The following FBXO11 variants were observed in gnomAD, a reference collection of about 807,000 sequenced individuals.
FBXO11 encodes F-box protein 11.
In FBXO11, 13 loss-of-function variants were observed where a neutral mutation model predicts 117.0. That is an observed-to-expected ratio of 0.11 (90% CI 0.07 to 0.18). The LOEUF (loss-of-function observed/expected upper bound fraction) is 0.18. Ranked by LOEUF, FBXO11 falls within the 10% of genes least tolerant of loss-of-function variation. The pLI is 1.00. For missense variants in FBXO11, 767 were observed against 1,164.4 expected (o/e 0.66, Z 4.97); for synonymous variants, 490 against 380.5 (o/e 1.29, Z -3.35).
intron 1 of FBXO11, among the ~76,000 whole-genome samples, chr2:47,850,691 T>G (rs1673794072): frequency 6.6e-6 from 1 of 152,200 alleles, no homozygotes. Context: ...TTCATAACTT[T>G]AGTTTGATTA....
chr2:47,823,492 C>G, intron 11 of FBXO11, 132 bp from the exon 12 acceptor site: 1 of 721,326 alleles, frequency 1.4e-6, no homozygotes, highest in Non-Finnish European at 2.2e-6. Flanking sequence ...TGGTGACTCA[C>G]GCCTGTTAAT....
chr2:47,836,107 AAAGT>A lies in FBXO11; in HGVS notation c.588-110_588-107del, dbSNP rs1477747181. 8.3e-6 allele frequency: 6 copies of A among 719,904 alleles called. No homozygotes were observed. In the East Asian group the frequency reaches 1.8e-4, roughly 22 times the overall value. 44.6% of individuals were successfully genotyped at this position (719,904 alleles called of 1,614,324 possible). A position where few individuals can be genotyped will look rare whatever the true frequency, so the allele number is the denominator to read the frequency against. On this transcript the variant is annotated intron_variant, in intron 4 of 22. Transcript: ENST00000403359. ...TTGAGGCCTCAAAAACTTGAGTAAGAAAGTAAGAATAGACAAAAATGAATATTAA... is the reference window on the plus strand; with the variant it reads ...TTGAGGCCTCAAAAACTTGAGTAAGAAAGAATAGACAAAAATGAATATTAA...
chr2:47,837,440 T>C (rs554633060), intron 4 of FBXO11, among the ~76,000 whole-genome samples: 4 of 152,100 alleles, frequency 2.6e-5, no homozygotes, highest in Admixed American at 6.5e-5. Context: ...GGCAGGAGAA[T>C]TGCTTGAACC....
In FBXO11 at chr2:47,900,818, GTA is replaced by G. The variant is rs1203024042; in HGVS notation, c.232+4669_232+4670del. ...TATATATACACGTATACACACACGTGTATATATATACACGTATACACACACGT... is the reference window on the plus strand; with the variant it reads ...TATATATACACGTATACACACACGTGTATATATACACGTATACACACACGT... On this transcript the variant is annotated intron_variant, in intron 1 of 22. Transcript: ENST00000403359. 8.1e-5 allele frequency among the ~76,000 whole-genome samples: 4 copies of G among 49,370 alleles called. 1 individual carries two copies. The highest frequency in any genetic ancestry group is 2.1e-4 in the Admixed American group (1 of 4,708). 32.4% of individuals were successfully genotyped at this position (49,370 alleles called of 152,430 possible).
chr2:47,817,111 T>TTA (rs1363289817), intron 16 of FBXO11, among the ~76,000 whole-genome samples: 1 of 152,260 alleles, frequency 6.6e-6, no homozygotes, highest in Non-Finnish European at 1.5e-5. Flanking sequence ...AACAATGATC[T>TTA]TAGCTATATC....
intron 5 of FBXO11, 22 bp downstream of exon 5, chr2:47,835,850 A>C (rs1198738028): frequency 1.3e-6 from 2 of 1,551,190 alleles, no homozygotes; most frequent in Admixed American, 3.6e-5. Flanking sequence ...ATAAACCAAT[A>C]TATTCTATTT....
intron 1 of FBXO11, among the ~76,000 whole-genome samples, chr2:47,856,402 G>A (rs756505086): frequency 2.6e-5 from 4 of 152,160 alleles, no homozygotes; most frequent in Non-Finnish European, 5.9e-5. Context: ...TCTCAGGAAA[G>A]CAACAAAGAG....
chr2:47,818,076 T>C (rs924132018), intron 16 of FBXO11, among the ~76,000 whole-genome samples: 6 of 152,068 alleles, frequency 3.9e-5, no homozygotes, highest in East Asian at 1.9e-4. Flanking sequence ...GATCGTGCCA[T>C]TGCACTCCAG....
intron 16 of FBXO11, among the ~76,000 whole-genome samples, chr2:47,814,645 C>A (rs1258400663): frequency 6.6e-6 from 1 of 152,078 alleles, no homozygotes; most frequent in Non-Finnish European, 1.5e-5. Flanking sequence ...TCCCAAAGTG[C>A]TGGGATTACA....
At chr2:47,866,905 T>C (rs1032727702) in intron 1 of FBXO11, among the ~76,000 whole-genome samples, 8 of 152,212 alleles carry the variant, frequency 5.3e-5, no homozygotes, top group African/African-American at 1.9e-4. Context: ...TACTTTTAAA[T>C]ATGAACACTG....
intron 18 of FBXO11, chr2:47,812,985 G>T (rs1379404060): frequency 2.0e-6 from 1 of 488,404 alleles, no homozygotes; most frequent in Non-Finnish European, 3.7e-6. Context: ...TCCAGAGAAT[G>T]TAAACAAATT....
chr2:47,809,673 T>C lies in FBXO11; in HGVS notation c.2373A>G (p.Leu791=), dbSNP rs1352490704. 1.1e-5 allele frequency: 17 copies of C among 1,613,466 alleles called. No individual in the cohort carries two copies. Among genetic ancestry groups the C allele is most frequent in the East Asian group, 2.2e-5 (1 of 44,816 alleles). Residue 791 remains leucine (L), a synonymous_variant, in exon 20 of 23, where the codon CTA becomes CTG. Coordinates refer to ENST00000403359, the MANE Select transcript of FBXO11 (RefSeq NM_001190274.2). ...GGTTGTTAAAAATCTGATTGCCTTC[T>C]AGTGTTGCAGTTGCGTGATTTGTAA... ...IEITNHATAT[L]EGNQIFNNRF... is the part of the protein sequence containing the mutation.
chr2:47,852,796 T>C (rs1223777090), intron 1 of FBXO11, among the ~76,000 whole-genome samples: 1 of 152,214 alleles, frequency 6.6e-6, no homozygotes, highest in Non-Finnish European at 1.5e-5. Flanking sequence ...CATTGAATCC[T>C]TGCATCAACT....
chr2:47,836,111 TAAG>T (rs1486510926), intron 4 of FBXO11, 110 bp from the exon 5 acceptor site: 1 of 669,494 alleles, frequency 1.5e-6, no homozygotes, highest in Non-Finnish European at 2.4e-6. Context: ...AGTAAGAAAG[TAAG>T]AATAGACAAA....
At chr2:47,850,125 A>C (rs1673743392) in intron 1 of FBXO11, among the ~76,000 whole-genome samples, 1 of 152,184 alleles carries the variant, frequency 6.6e-6, no homozygotes, top group Non-Finnish European at 1.5e-5. Flanking sequence ...ATGAGATACA[A>C]GATAAAGCTC....
intron 5 of FBXO11, among the ~76,000 whole-genome samples, chr2:47,835,622 G>A (rs145217021): frequency 0.072 from 10,914 of 151,848 alleles, 553 homozygotes; most frequent in Non-Finnish European, 0.11. Context: ...CTTAGCCTCC[G>A]AAGTAGCTGG....
intron 1 of FBXO11, among the ~76,000 whole-genome samples, chr2:47,899,253 G>A (rs542563823): frequency 1.8e-4 from 23 of 131,228 alleles, no homozygotes; most frequent in South Asian, 9.3e-4. Context: ...CAGCCTGGGC[G>A]ACAGAGCAAG....
intron 5 of FBXO11, among the ~76,000 whole-genome samples, chr2:47,835,292 T>C (rs957429224): frequency 1.2e-4 from 19 of 152,192 alleles, no homozygotes; most frequent in Admixed American, 3.3e-4. Context: ...CGAAGGGCCG[T>C]ATAACAATTA....
At chr2:47,874,840 CAA>C (rs1360483330) in intron 1 of FBXO11, among the ~76,000 whole-genome samples, 17 of 142,888 alleles carry the variant, frequency 1.2e-4, no homozygotes. Context: ...TGGCCACATA[CAA>C]AATTTAAAAA....
Sources: gnomAD v4.1 joint callset for allele counts (sites outside exome capture counted in the v4.1 genomes callset) on GRCh38, gnomAD v4.1.1 for gene constraint, MANE v1.5 for transcripts, NCBI Gene and HGNC (gene_info 2026-07-23, HGNC 2026-07-21) for gene names.